The following FHOD3 variants were observed in gnomAD, a reference collection of about 807,000 sequenced individuals.
The protein encoded by FHOD3 is formin homology 2 domain containing 3.
In FHOD3, 90 loss-of-function variants were observed where a neutral mutation model predicts 173.0. That is an observed-to-expected ratio of 0.52 (90% CI 0.44 to 0.62). The LOEUF is 0.62. Among genes scored for constraint, FHOD3 ranks in the 20% least tolerant of loss-of-function variants. FHOD3 has a pLI of 0.00. For missense variants in FHOD3, 1,945 were observed against 2,034.7 expected, an observed-to-expected ratio of 0.96 and a Z score of 0.85; for synonymous variants, 828 against 823.0, an observed-to-expected ratio of 1.01 and a Z score of -0.10.
intron 3 of FHOD3, among the ~76,000 whole-genome samples, chr18:36,443,672 A>G (rs913606264): frequency 1.8e-4 from 27 of 152,200 alleles, no homozygotes; most frequent in African/African-American, 5.8e-4. Flanking sequence ...GGATGTGCTC[A>G]TTGATACTGG....
intron 3 of FHOD3, among the ~76,000 whole-genome samples, chr18:36,389,246 A>C (rs781658867): frequency 4.6e-5 from 7 of 152,026 alleles, no homozygotes; most frequent in Non-Finnish European, 8.8e-5. Context: ...CTGCAAGTAC[A>C]TTTCCTTTTT....
chr18:36,637,204 G>C (rs1196449185), intron 10 of FHOD3, among the ~76,000 whole-genome samples: 2 of 152,178 alleles, frequency 1.3e-5, no homozygotes, highest in Non-Finnish European at 2.9e-5. Context: ...TGATATTACA[G>C]TTACTGATTT....
At chr18:36,664,777 T>TGAGAGAGAGAGAGAGAGAGAGA (rs373836211) in intron 14 of FHOD3, among the ~76,000 whole-genome samples, 30 of 129,494 alleles carry the variant, frequency 2.3e-4, no homozygotes, top group Non-Finnish European at 3.4e-4. Context: ...TGTGTGTATG[T>TGAGAGAGAGAGAGAGAGAGAGA]GAGAGAGAGA....
At position 36,486,146 on chromosome 18, in the gene FHOD3, C is replaced by T. The variant is rs1599341731; in HGVS notation, c.338-15786C>T. On this transcript the variant is annotated intron_variant, in intron 3 of 28. Coordinates refer to ENST00000590592, the MANE Select transcript of FHOD3 (RefSeq NM_001281740.3). ...GAACTTCCTCCATTTTCCCATTGGC[C>T]ACTAAATGGCTGCCGAGTGCAACAC... 3.9e-5 allele frequency among the ~76,000 whole-genome samples: 6 copies of T among 152,250 alleles called. No homozygotes were observed. In the South Asian group the frequency reaches 1.2e-3, roughly 32 times the overall value.
intron 9 of FHOD3, among the ~76,000 whole-genome samples, chr18:36,616,078 A>G (rs1168581910): frequency 6.6e-6 from 1 of 152,218 alleles, no homozygotes; most frequent in Non-Finnish European, 1.5e-5. Flanking sequence ...ACAAAGGAGT[A>G]TGTTCTCATG....
intron 18 of FHOD3, among the ~76,000 whole-genome samples, chr18:36,715,622 G>C (rs1410921423): frequency 6.6e-6 from 1 of 152,176 alleles, no homozygotes; most frequent in Non-Finnish European, 1.5e-5. Flanking sequence ...TTCTCACAGA[G>C]TTTACATCCA....
intron 10 of FHOD3, among the ~76,000 whole-genome samples, chr18:36,638,700 A>C (rs1020925639): frequency 2.0e-5 from 3 of 152,182 alleles, no homozygotes; most frequent in African/African-American, 4.8e-5. Flanking sequence ...GGGCCTGAGC[A>C]TTCACCTTTT....
rs1555704498 is a variant in FHOD3 at position 36,437,665 on chromosome 18, C to CTTTTTTTTTTT, written c.338-64260_338-64250dup. Among the ~76,000 whole-genome samples, 612 of 69,374 alleles carry CTTTTTTTTTTT rather than the reference C, an allele frequency of 8.8e-3. 23 individuals are homozygous for CTTTTTTTTTTT. The highest frequency in any genetic ancestry group is 0.026 in the African/African-American group (580 of 22,186). The allele number at this position is 69,374 out of a possible 152,430, so 45.5% of individuals were successfully genotyped here. A position where few individuals can be genotyped will look rare whatever the true frequency, so the allele number is the denominator to read the frequency against. ...CATTGAGCTTCTGGTTTCTTTCTTT[C>CTTTTTTTTTTT]TTTTTTTTTTTTTTTTTAAGACAGA... On this transcript the variant is annotated intron_variant, in intron 3 of 28. Transcript: ENST00000590592.
chr18:36,345,411 T>G (rs906811819), intron 1 of FHOD3, among the ~76,000 whole-genome samples: 49 of 152,300 alleles, frequency 3.2e-4, no homozygotes, highest in Admixed American at 3.2e-3. Flanking sequence ...TAGCTAAAAT[T>G]TACTTAGAGG....
intron 9 of FHOD3, among the ~76,000 whole-genome samples, chr18:36,619,185 T>C (rs1465882844): frequency 6.6e-6 from 1 of 152,204 alleles, no homozygotes; most frequent in African/African-American, 2.4e-5. Context: ...ATAAAATATC[T>C]GTACCTGCCC....
chr18:36,626,410 C>A (rs1206791692), intron 10 of FHOD3, among the ~76,000 whole-genome samples: 1 of 152,090 alleles, frequency 6.6e-6, no homozygotes, highest in Non-Finnish European at 1.5e-5. Context: ...GATTGGCAAT[C>A]CTATGAGATA....
chr18:36,306,528 T>G (rs1169884181), intron 1 of FHOD3, among the ~76,000 whole-genome samples: 1 of 152,192 alleles, frequency 6.6e-6, no homozygotes. Context: ...AACCAACTTG[T>G]GTGACCAGCC....
At chr18:36,660,873 C>T (rs145235367) in intron 14 of FHOD3, among the ~76,000 whole-genome samples, 199 of 152,314 alleles carry the variant, frequency 1.3e-3, no homozygotes, top group African/African-American at 4.7e-3. Flanking sequence ...AGTTCCTTTC[C>T]TTCTTACAGT....
intron 14 of FHOD3, among the ~76,000 whole-genome samples, chr18:36,670,792 T>A (rs1037239107): frequency 2.6e-5 from 4 of 152,230 alleles, no homozygotes; most frequent in African/African-American, 9.6e-5. Flanking sequence ...GTGTTTGTGT[T>A]CTTATAAATA....
chr18:36,452,856 G>A (rs1037914352), intron 3 of FHOD3, among the ~76,000 whole-genome samples: 1 of 151,826 alleles, frequency 6.6e-6, no homozygotes, highest in African/African-American at 2.4e-5. Flanking sequence ...ATGTATGTAT[G>A]TATATGTATG....
At chr18:36,617,207 T>C (rs1839857828) in intron 9 of FHOD3, among the ~76,000 whole-genome samples, 1 of 152,218 alleles carries the variant, frequency 6.6e-6, no homozygotes, top group Non-Finnish European at 1.5e-5. Flanking sequence ...ATATTTATGG[T>C]AGGTGAGGCA....
chr18:36,385,930 C>T (rs1013885919), intron 3 of FHOD3, among the ~76,000 whole-genome samples: 2 of 152,096 alleles, frequency 1.3e-5, no homozygotes, highest in Non-Finnish European at 1.5e-5. Context: ...GGCAGTCAAA[C>T]GCATGAAAAG....
rs535731329 is a variant in FHOD3, at chr18:36,411,340, C to T, written c.337+38596C>T. On this transcript the variant is annotated intron_variant, in intron 3 of 28. Transcript: ENST00000590592. Reference sequence around the variant, plus strand: ...GTGCTTTTGTAAATTTCTTTGGGATCCGTTGTGAAGAAAATTATCAAAATA... The same window carrying T: ...GTGCTTTTGTAAATTTCTTTGGGATTCGTTGTGAAGAAAATTATCAAAATA... Among the ~76,000 whole-genome samples the T allele has an allele frequency of 2.0e-5, 3 of 152,158 alleles. No individual in the cohort carries two copies. The South Asian group carries it at 6.2e-4, about 32-fold the overall frequency.
At chr18:36,777,925 T>C (rs1172242053) in intron 28 of FHOD3, 1 of 152,226 alleles carries the variant, frequency 6.6e-6, no homozygotes, top group Non-Finnish European at 1.5e-5. Context: ...CATGTCTCTC[T>C]AAAAACCCAT....
Sources: allele counts gnomAD v4.1 joint callset (sites outside exome capture counted in the v4.1 genomes callset), GRCh38; gene constraint gnomAD v4.1.1; transcripts MANE v1.5; gene names NCBI Gene and HGNC (gene_info 2026-07-23, HGNC 2026-07-21).